STOML3: variants seen among roughly 807,000 people sequenced by gnomAD.
The protein encoded by STOML3 is stomatin-like protein 3.
A neutral mutation model predicts 29.5 loss-of-function variants in STOML3; 31 were observed. The ratio of observed to expected loss-of-function variants is 1.05; its 90% CI spans 0.79 to 1.42. The LOEUF (loss-of-function observed/expected upper bound fraction) is 1.42, where lower values mean the gene tolerates loss of function less well. Among genes scored for constraint, STOML3 ranks in the 40% most tolerant of loss-of-function variants. The pLI is 0.00. For missense variants in STOML3, 380 were observed against 363.0 expected (o/e 1.05, Z -0.38); for synonymous variants, 122 against 139.8 (o/e 0.87, Z 0.90).
chr13:38,970,280 A>G lies in STOML3; in HGVS notation c.421T>C (p.Phe141Leu), dbSNP rs369739946. Residue 141 changes from phenylalanine (F) to leucine (L), a missense_variant, in exon 5 of 7, where the codon TTT becomes CTT. Coordinates refer to ENST00000379631, the MANE Select transcript of STOML3 (RefSeq NM_145286.3). ...CTCAGAGTGGTTTGAGCCAGCAGAA[A>G]TGTTGCTTGATGGACATCGTTGACA... The part of the protein sequence containing the change: ...ANVNDVHQAT[F>L]LLAQTTLRNV... 3 of 1,614,082 alleles carry G rather than the reference A, an allele frequency of 1.9e-6. No homozygotes were observed. Among genetic ancestry groups the G allele is most frequent in the Non-Finnish European group, 2.5e-6 (3 of 1,180,048 alleles).
In STOML3 at chr13:38,966,975, G is replaced by A. The variant is rs749084531; in HGVS notation, c.726C>T (p.Pro242=). 6.2e-7 allele frequency: 1 copy of A among 1,614,076 alleles called. No individual in the cohort carries two copies. Among genetic ancestry groups the A allele is most frequent in the Non-Finnish European group, 8.5e-7 (1 of 1,180,022 alleles). The change falls in exon 7 of 7, where the codon CCC becomes CCT. Residue 242 remains proline (P), a synonymous_variant. Transcript: ENST00000379631. Reference sequence around the variant, plus strand: ...GCAGGTAGCGCAGCTGGAGAGCTATGGGAGACTCAGCCAGCACCATGGAGG... The same window carrying A: ...GCAGGTAGCGCAGCTGGAGAGCTATAGGAGACTCAGCCAGCACCATGGAGG... ...KSASMVLAES[P]IALQLRYLQT...
At chr13:38,982,889 C>A (rs569304297) in intron 1 of STOML3, among the ~76,000 whole-genome samples, 4 of 152,220 alleles carry the variant, frequency 2.6e-5, no homozygotes, top group African/African-American at 9.6e-5. Context: ...CACAAATGCA[C>A]ATCTAATTGT....
intron 1 of STOML3, among the ~76,000 whole-genome samples, chr13:38,987,615 G>A (rs1020358832): frequency 6.8e-6 from 1 of 146,464 alleles, no homozygotes. Flanking sequence ...GAAGACAAAT[G>A]TCTGTAATGC....
chr13:38,970,741 A>C (rs760349210), intron 4 of STOML3, among the ~76,000 whole-genome samples: 2 of 152,128 alleles, frequency 1.3e-5, no homozygotes, highest in Non-Finnish European at 2.9e-5. Flanking sequence ...GAAGTAGAAC[A>C]CTTGTTTCCC....
chr13:38,979,929 G>T (rs888318735), intron 1 of STOML3: 7 of 935,160 alleles, frequency 7.5e-6, no homozygotes, highest in Non-Finnish European at 1.0e-5. Flanking sequence ...AGGCAGCTGG[G>T]ACTCCAACAG....
At chr13:38,979,964 G>C (rs1881216649) in intron 1 of STOML3, 1 of 1,349,142 alleles carries the variant, frequency 7.4e-7, no homozygotes. Context: ...TTAATGCCTG[G>C]AGCCAAGCCC....
chr13:38,985,963 A>AGCG (rs1318694930), intron 1 of STOML3, among the ~76,000 whole-genome samples: 1 of 97,604 alleles, frequency 1.0e-5, no homozygotes, highest in Admixed American at 1.6e-4. Flanking sequence ...TCTTTCCCCC[A>AGCG]GCGGCTATTT....
intron 4 of STOML3, 96 bp from the exon 5 acceptor site, chr13:38,970,484 G>T: frequency 1.0e-6 from 1 of 1,000,080 alleles, no homozygotes; most frequent in Non-Finnish European, 1.5e-6. Context: ...CACAGAAGGA[G>T]AGCAGTAACG....
chr13:38,979,327 T>C (rs1043282907), intron 1 of STOML3, among the ~76,000 whole-genome samples: 34 of 152,304 alleles, frequency 2.2e-4, no homozygotes, highest in African/African-American at 8.2e-4. Context: ...ACAGAGCCTA[T>C]AGATATACAT....
At chr13:38,987,832 ATAT>A (rs1868659126) in intron 1 of STOML3, among the ~76,000 whole-genome samples, 1 of 73,170 alleles carries the variant, frequency 1.4e-5, no homozygotes, top group Non-Finnish European at 2.2e-5. Flanking sequence ...TTTATATAAT[ATAT>A]TATATTTTAT....
At chr13:38,977,594 ATCTCT>A (rs1163759893) in intron 1 of STOML3, among the ~76,000 whole-genome samples, 2 of 152,106 alleles carry the variant, frequency 1.3e-5, no homozygotes, top group East Asian at 3.9e-4. Flanking sequence ...ATCACATAAG[ATCTCT>A]TCTCGCTAAT....
At chr13:38,990,418 AAAG>A (rs1868953743) in intron 1 of STOML3, among the ~76,000 whole-genome samples, 3 of 152,182 alleles carry the variant, frequency 2.0e-5, no homozygotes, top group African/African-American at 7.2e-5. Context: ...TTTCATACAG[AAAG>A]AAGAAATTCA....
intron 1 of STOML3, chr13:38,980,211 G>C (rs557347177): frequency 6.5e-5 from 92 of 1,408,300 alleles, no homozygotes; most frequent in Non-Finnish European, 8.9e-5. Flanking sequence ...CCCAGGCCGC[G>C]GCTTCTGGGA....
intron 1 of STOML3, among the ~76,000 whole-genome samples, chr13:38,982,714 T>C (rs1173598467): frequency 6.6e-6 from 1 of 152,198 alleles, no homozygotes; most frequent in Non-Finnish European, 1.5e-5. Context: ...CTAAATAAGA[T>C]GGTTACAAGT....
In STOML3 at chr13:38,970,180, T is replaced by G. The variant is rs369099169; in HGVS notation, c.516+5A>C. ...ATACAGGCTATTAGTTCATGGTGTCTTTACCTGGATGCTATGGGCGATCTC... is the reference window on the plus strand; with the variant it reads ...ATACAGGCTATTAGTTCATGGTGTCGTTACCTGGATGCTATGGGCGATCTC... On this transcript the variant is annotated splice_donor_5th_base_variant and intron_variant, in intron 5 of 6. Transcript: ENST00000379631. 36 of 1,610,792 alleles carry G rather than the reference T, an allele frequency of 2.2e-5. No homozygotes were observed. The African/African-American group carries it at 4.5e-4, about 20-fold the overall frequency.
intron 1 of STOML3, among the ~76,000 whole-genome samples, chr13:38,989,503 C>T (rs1182338295): frequency 1.4e-5 from 2 of 139,462 alleles, no homozygotes; most frequent in Non-Finnish European, 3.1e-5. Context: ...TTTCTTTATT[C>T]CATTTTTTTT....
intron 6 of STOML3, among the ~76,000 whole-genome samples, chr13:38,967,823 G>A (rs1187415690): frequency 1.3e-5 from 2 of 152,214 alleles, no homozygotes; most frequent in Non-Finnish European, 2.9e-5. Context: ...CTTCAGGAAA[G>A]TTATCCACAC....
In STOML3 at chr13:38,966,942, C is replaced by G; in HGVS notation, c.759G>C (p.Leu253Phe). Residue 253 changes from leucine to phenylalanine, a missense_variant, in exon 7 of 7, where the codon TTG becomes TTC. Coordinates refer to ENST00000379631, the MANE Select transcript of STOML3 (RefSeq NM_145286.3). ...IALQLRYLQT[L>F]STVATEKNST... Reference sequence around the variant, plus strand: ...AATTCTTCTCGGTGGCTACCGTGCTCAAGGTCTGCAGGTAGCGCAGCTGGA... The same window carrying G: ...AATTCTTCTCGGTGGCTACCGTGCTGAAGGTCTGCAGGTAGCGCAGCTGGA... 1.2e-6 allele frequency: 2 copies of G among 1,612,900 alleles called. No homozygotes were observed. The highest frequency in any genetic ancestry group is 1.7e-6 in the Non-Finnish European group (2 of 1,179,660).
chr13:38,968,883 G>A (rs750255697), intron 5 of STOML3, among the ~76,000 whole-genome samples: 2 of 152,102 alleles, frequency 1.3e-5, no homozygotes, highest in Non-Finnish European at 2.9e-5. Context: ...TATCAAGCAG[G>A]CAGCAATGAA....
Sources: gnomAD v4.1 joint callset for allele counts (sites outside exome capture counted in the v4.1 genomes callset) on GRCh38, gnomAD v4.1.1 for gene constraint, MANE v1.5 for transcripts, NCBI Gene and HGNC (gene_info 2026-07-23, HGNC 2026-07-21) for gene names.